GRID2: variants seen among roughly 807,000 people sequenced by gnomAD.
GRID2 encodes the protein glutamate receptor ionotropic, delta-2.
In GRID2, 33 loss-of-function variants were observed where a neutral mutation model predicts 114.8. The ratio of observed to expected loss-of-function variants is 0.29; its 90% CI spans 0.22 to 0.38. The LOEUF (loss-of-function observed/expected upper bound fraction) is 0.38, where lower values mean the gene tolerates loss of function less well. Among genes scored for constraint, GRID2 ranks in the 10% least tolerant of loss-of-function variants. The pLI, the probability that GRID2 is intolerant of heterozygous loss-of-function variation, is 1.00. For missense variants in GRID2, 1,184 were observed against 1,257.7 expected (o/e 0.94, Z 0.89); for synonymous variants, 505 against 449.9 (o/e 1.12, Z -1.55).
intron 13 of GRID2, among the ~76,000 whole-genome samples, chr4:93,612,266 A>G (rs994616472): frequency 2.7e-5 from 4 of 149,636 alleles, no homozygotes; most frequent in Non-Finnish European, 4.5e-5. Context: ...TCTTTATCCA[A>G]CTTGCCAGTC....
In GRID2 at chr4:93,712,788, C is replaced by G. The variant is rs78572711; in HGVS notation, c.2361-56422C>G. Among the ~76,000 whole-genome samples, 924 of 152,206 alleles carry G rather than the reference C, an allele frequency of 6.1e-3. 11 individuals carry two copies. Among genetic ancestry groups the G allele is most frequent in the African/African-American group, 0.021 (881 of 41,552 alleles). ...AAGGCTGAAAATAACCTTAAATTTTCCACGATTTATGTGATACTGAGTAAA... is the reference window on the plus strand; with the variant it reads ...AAGGCTGAAAATAACCTTAAATTTTGCACGATTTATGTGATACTGAGTAAA... On this transcript the variant is annotated intron_variant, in intron 14 of 15. Transcript: ENST00000282020.
chr4:92,452,814 A>G (rs1447355237), intron 1 of GRID2, among the ~76,000 whole-genome samples: 1 of 144,400 alleles, frequency 6.9e-6, no homozygotes, highest in Admixed American at 6.9e-5. Context: ...TATATATAAT[A>G]TATGTTTACC....
intron 13 of GRID2, among the ~76,000 whole-genome samples, chr4:93,591,380 C>G (rs372059401): frequency 1.3e-5 from 2 of 151,254 alleles, no homozygotes; most frequent in Non-Finnish European, 3.0e-5. Context: ...GTATATTGAA[C>G]CAGCCTTGCA....
At chr4:93,257,320 A>T (rs1202341639) in intron 8 of GRID2, among the ~76,000 whole-genome samples, 2 of 151,818 alleles carry the variant, frequency 1.3e-5, no homozygotes, top group Non-Finnish European at 3.0e-5. Flanking sequence ...TAGATGAATG[A>T]TGTAGCCCTG....
intron 1 of GRID2, among the ~76,000 whole-genome samples, chr4:92,519,583 T>C (rs914346732): frequency 1.3e-5 from 2 of 150,080 alleles, no homozygotes; most frequent in African/African-American, 2.5e-5. Context: ...TATGCATATA[T>C]ATATCTTATA....
At chr4:92,331,276 G>A (rs1212942199) in intron 1 of GRID2, among the ~76,000 whole-genome samples, 1 of 152,146 alleles carries the variant, frequency 6.6e-6, no homozygotes, top group African/African-American at 2.4e-5. Context: ...GAGAAACTAT[G>A]TGCTAACCAC....
At chr4:92,636,822 G>A (rs1241090376) in intron 2 of GRID2, among the ~76,000 whole-genome samples, 1 of 151,810 alleles carries the variant, frequency 6.6e-6, no homozygotes, top group Non-Finnish European at 1.5e-5. Context: ...AACCTGACTG[G>A]GCTTAACTTT....
chr4:93,719,847 T>C (rs72659512), intron 14 of GRID2, among the ~76,000 whole-genome samples: 2,739 of 152,238 alleles, frequency 0.018, 35 homozygotes, highest in Non-Finnish European at 0.024. Flanking sequence ...TTCCTGGACA[T>C]TTCCTGTGCA....
At chr4:92,703,786 T>C (rs1283217888) in intron 2 of GRID2, among the ~76,000 whole-genome samples, 1 of 152,076 alleles carries the variant, frequency 6.6e-6, no homozygotes, top group Non-Finnish European at 1.5e-5. Flanking sequence ...ATTAACTGGT[T>C]ACATTCTTCT....
At chr4:93,193,312 A>G (rs957890695) in intron 4 of GRID2, among the ~76,000 whole-genome samples, 1 of 151,980 alleles carries the variant, frequency 6.6e-6, no homozygotes, top group Non-Finnish European at 1.5e-5. Context: ...CCCCACCCAA[A>G]TCTCATCTTG....
chr4:93,146,388 C>T (rs575263854), intron 4 of GRID2, among the ~76,000 whole-genome samples: 19 of 152,196 alleles, frequency 1.2e-4, no homozygotes, highest in African/African-American at 4.6e-4. Flanking sequence ...ATGATGAAAG[C>T]GCATCCTGTA....
chr4:93,797,030 G>A (rs771215168), intron 1 of GRID2, among the ~76,000 whole-genome samples: 8 of 152,172 alleles, frequency 5.3e-5, no homozygotes, highest in Non-Finnish European at 7.3e-5. Flanking sequence ...ACGATGTGAG[G>A]TATAGCCGAT....
chr4:93,804,900 C>G (rs1368540542), intron 1 of GRID2, among the ~76,000 whole-genome samples: 2 of 152,114 alleles, frequency 1.3e-5, no homozygotes, highest in Non-Finnish European at 2.9e-5. Flanking sequence ...TAACTTAGTA[C>G]TTGGTTATGT....
At chr4:93,290,872 C>CTTTTTTTTTTTTT (rs56735687) in intron 8 of GRID2, among the ~76,000 whole-genome samples, 1 of 88,530 alleles carries the variant, frequency 1.1e-5, no homozygotes, top group Non-Finnish European at 2.1e-5. Flanking sequence ...ATACAAGTTA[C>CTTTTTTTTTTTTT]TTTTTTTTTT....
intron 1 of GRID2, among the ~76,000 whole-genome samples, chr4:92,438,393 TA>T (rs150754215): frequency 0.04 from 6,126 of 152,198 alleles, 163 homozygotes; most frequent in East Asian, 0.077. Context: ...TCTTATCGCA[TA>T]TTTTTTTTTG....
intron 1 of GRID2, among the ~76,000 whole-genome samples, chr4:92,572,827 G>T: frequency 6.6e-6 from 1 of 151,842 alleles, no homozygotes; most frequent in African/African-American, 2.4e-5. Flanking sequence ...GAATGATGAT[G>T]GCCTCATAGA....
At chr4:92,377,584 T>G (rs1194468732) in intron 1 of GRID2, among the ~76,000 whole-genome samples, 1 of 152,182 alleles carries the variant, frequency 6.6e-6, no homozygotes, top group Admixed American at 6.6e-5. Flanking sequence ...CATAGCAATT[T>G]ACTGTTATTA....
intron 13 of GRID2, among the ~76,000 whole-genome samples, chr4:93,551,490 C>G (rs58055806): frequency 0.07 from 10,612 of 152,172 alleles, 456 homozygotes; most frequent in African/African-American, 0.12. Context: ...TTAGGGAAAG[C>G]AAGCCATCCA....
intron 12 of GRID2, among the ~76,000 whole-genome samples, chr4:93,503,183 A>G (rs768967268): frequency 1.3e-5 from 2 of 152,090 alleles, no homozygotes; most frequent in Non-Finnish European, 2.9e-5. Context: ...TCCTTCTGTG[A>G]AATTAATGTG....
Sources: gnomAD v4.1 joint callset for allele counts (sites outside exome capture counted in the v4.1 genomes callset) on GRCh38, gnomAD v4.1.1 for gene constraint, MANE v1.5 for transcripts, NCBI Gene and HGNC (gene_info 2026-07-23, HGNC 2026-07-21) for gene names.